DMBT1: variants seen among roughly 807,000 people sequenced by gnomAD.
DMBT1 encodes scavenger receptor cysteine-rich domain-containing protein DMBT1.
DMBT1 carries 198 observed loss-of-function variants against 252.9 expected under a neutral mutation model. The observed-to-expected ratio is 0.78, with a 90% CI of 0.70 to 0.88. DMBT1 has a LOEUF of 0.88. DMBT1 is among the 40% of genes least tolerant of loss of function. DMBT1 has a pLI of 0.00. For missense variants in DMBT1, 2,432 were observed against 2,404.7 expected, an observed-to-expected ratio of 1.01 and a Z score of -0.24; for synonymous variants, 990 against 942.7, an observed-to-expected ratio of 1.05 and a Z score of -0.92.
At position 122,631,093 on chromosome 10, in the gene DMBT1, G is replaced by A; in HGVS notation, c.6158G>A (p.Cys2053Tyr). ...ACCATTCAGGAAGCTGAGGTGGTCT[G>A]CAGACAGCTAGGGTGTGGACGTGCA... is the stretch of plus-strand genomic sequence containing the variant. ...SWTIQEAEVV[C>Y]RQLGCGRAVS... The change falls in exon 49 of 56, where the codon TGC (cysteine) becomes TAC (tyrosine). Residue 2053 changes from cysteine (C) to tyrosine (Y), a missense_variant. This residue lies in a region of DMBT1 where 1,162 missense variants were observed against 1,169.0 expected (regional missense o/e 0.99). Transcript: ENST00000338354. 4 of 1,614,006 alleles carry A rather than the reference G, an allele frequency of 2.5e-6. No homozygotes were observed. Among genetic ancestry groups the A allele is most frequent in the Non-Finnish European group, 3.4e-6 (4 of 1,179,894 alleles).
intron 52 of DMBT1, 76 bp from the exon 53 acceptor site, chr10:122,635,915 C>T (rs554733284): frequency 4.0e-6 from 6 of 1,510,762 alleles, no homozygotes; most frequent in African/African-American, 1.4e-5. Flanking sequence ...AGAGGTGTGA[C>T]CCCACCCTGA....
chr10:122,636,235 G>A (rs2098225910), intron 53 of DMBT1, 36 bp downstream of exon 53: 1 of 1,555,716 alleles, frequency 6.4e-7, no homozygotes, highest in South Asian at 1.1e-5. Context: ...GTTGGGACTG[G>A]GGACATCCTG....
intron 6 of DMBT1, among the ~76,000 whole-genome samples, chr10:122,576,082 C>G (rs746614846): frequency 6.6e-5 from 10 of 152,154 alleles, no homozygotes; most frequent in Non-Finnish European, 1.3e-4. Context: ...TTGTGTGTCC[C>G]CTGTCTGAGG....
chr10:122,575,712 A>C (rs2097706381), intron 6 of DMBT1, among the ~76,000 whole-genome samples: 1 of 152,150 alleles, frequency 6.6e-6, no homozygotes. Flanking sequence ...ATGGGATGGG[A>C]GGGAATGTTG....
rs373935397 is a variant in DMBT1, at chr10:122,637,145, A to G, written c.6775A>G (p.Asn2259Asp). ...TCTATCAGACCTGCTCTGTCTGCCA[A>G]ATCACATGCAAGCCAGTGTGAGCAG... The part of the protein sequence containing the change: ...NDSTNLLCLP[N>D]HMQASVSRSY... Residue 2259 changes from asparagine to aspartate, a missense_variant, in exon 54 of 56, where the codon AAT (asparagine) becomes GAT (aspartate). Around this residue, in one of 3 missense-constraint regions of DMBT1, gnomAD observed 1,162 missense variants for 1,169.0 expected, o/e 0.99. Transcript: ENST00000338354. 1 of 1,613,814 alleles carries G rather than the reference A, an allele frequency of 6.2e-7. No homozygotes were observed. Among genetic ancestry groups the G allele is most frequent in the African/African-American group, 1.3e-5 (1 of 74,924 alleles).
chr10:122,567,601 C>A (rs142956449), intron 2 of DMBT1, among the ~76,000 whole-genome samples: 30 of 152,304 alleles, frequency 2.0e-4, no homozygotes, highest in Non-Finnish European at 3.5e-4. Context: ...AAGCCACACC[C>A]AGGATCTGGC....
intron 16 of DMBT1, among the ~76,000 whole-genome samples, chr10:122,587,134 A>G (rs1172082389): frequency 6.8e-6 from 1 of 147,986 alleles, no homozygotes; most frequent in Non-Finnish European, 1.5e-5. Context: ...AAACATCCAA[A>G]CTATAGCATG....
intron 7 of DMBT1, among the ~76,000 whole-genome samples, chr10:122,577,388 G>A (rs1223448099): frequency 2.6e-5 from 4 of 152,170 alleles, no homozygotes; most frequent in Admixed American, 2.0e-4. Flanking sequence ...GCAAATGGTG[G>A]GCTCACGAGT....
intron 55 of DMBT1, among the ~76,000 whole-genome samples, chr10:122,640,922 C>T (rs1844415318): frequency 6.6e-6 from 1 of 152,186 alleles, no homozygotes; most frequent in African/African-American, 2.4e-5. Context: ...CCTCTATGGA[C>T]CAGTTGCTCG....
chr10:122,637,467 T>A (rs1271288769), intron 54 of DMBT1, among the ~76,000 whole-genome samples, 155 bp downstream of exon 54: 1 of 152,208 alleles, frequency 6.6e-6, no homozygotes, highest in African/African-American at 2.4e-5. Flanking sequence ...TTTGGTGCTA[T>A]GATATGGCTG....
intron 1 of DMBT1, among the ~76,000 whole-genome samples, chr10:122,562,969 C>G (rs1264164070): frequency 2.0e-5 from 3 of 152,228 alleles, no homozygotes; most frequent in Non-Finnish European, 2.9e-5. Context: ...CACTAGCATT[C>G]AGATGACAGC....
At chr10:122,565,080 A>G (rs2097579192) in intron 1 of DMBT1, among the ~76,000 whole-genome samples, 1 of 152,224 alleles carries the variant, frequency 6.6e-6, no homozygotes, top group Non-Finnish European at 1.5e-5. Context: ...TGGGCATGGA[A>G]GAATTATGAC....
chr10:122,572,400 C>A (rs1337173378), intron 5 of DMBT1, 39 bp downstream of exon 5: 4 of 1,606,654 alleles, frequency 2.5e-6, no homozygotes, highest in Non-Finnish European at 3.4e-6. Context: ...GGCTCATTAC[C>A]CCTCTGTACT....
chr10:122,618,983 G>A (rs764424808), intron 41 of DMBT1, among the ~76,000 whole-genome samples: 4 of 152,230 alleles, frequency 2.6e-5, no homozygotes, highest in Admixed American at 1.3e-4. Context: ...ATCACACAAG[G>A]CATTTGGGCT....
At chr10:122,600,684 A>C (rs544714746) in intron 27 of DMBT1, among the ~76,000 whole-genome samples, 8 of 152,310 alleles carry the variant, frequency 5.3e-5, no homozygotes, top group Non-Finnish European at 1.0e-4. Flanking sequence ...GAGCCTCAGC[A>C]ATGGCGTCTG....
chr10:122,631,482 T>G (rs1452859135), intron 49 of DMBT1, among the ~76,000 whole-genome samples: 2 of 152,216 alleles, frequency 1.3e-5, no homozygotes. Context: ...TGCTGAACAC[T>G]CATCTGACTA....
chr10:122,572,825 G>A lies in DMBT1; in HGVS notation c.235+464G>A, dbSNP rs188266910. On this transcript the variant is annotated intron_variant, in intron 5 of 55. Transcript: ENST00000338354. Reference sequence around the variant, plus strand: ...TCTCCCTTTTTAAAATTTGAGGAGAGTGGGAGAACTCTTGGGACTTAAGAC... The same window carrying A: ...TCTCCCTTTTTAAAATTTGAGGAGAATGGGAGAACTCTTGGGACTTAAGAC... Among the ~76,000 whole-genome samples, 803 of 152,238 alleles carry A rather than the reference G, an allele frequency of 5.3e-3. 9 individuals carry two copies. Among genetic ancestry groups the A allele is most frequent in the African/African-American group, 0.017 (688 of 41,534 alleles).
At position 122,621,317 on chromosome 10, in the gene DMBT1, C is replaced by A. The variant is rs1418611451; in HGVS notation, c.5545C>A (p.Pro1849Thr). The A allele has an allele frequency of 2.5e-6, 4 of 1,613,692 alleles. No homozygotes were observed. Among genetic ancestry groups the A allele is most frequent in the Non-Finnish European group, 8.5e-7 (1 of 1,179,746 alleles). Residue 1849 changes from proline (P) to threonine (T), a missense_variant, in exon 44 of 56, where the codon CCC (proline) becomes ACC (threonine). Coordinates refer to ENST00000338354, the MANE Select transcript of DMBT1 (RefSeq NM_001377530.1). ...SGNESYLWSC[P>T]HKGWLTHNCG... ...GAATGAGTCCTACCTGTGGAGCTGC[C>A]CCCACAAAGGCTGGCTCACCCACAA... is the stretch of plus-strand genomic sequence containing the variant.
intron 24 of DMBT1, among the ~76,000 whole-genome samples, chr10:122,597,346 T>C (rs1253213418): frequency 6.6e-6 from 1 of 152,218 alleles, no homozygotes; most frequent in Non-Finnish European, 1.5e-5. Context: ...GCTTTGGCAC[T>C]TTTCTATTCA....
Sources: allele counts gnomAD v4.1 joint callset (sites outside exome capture counted in the v4.1 genomes callset), GRCh38; gene constraint gnomAD v4.1.1; regional missense constraint gnomAD v4.1.1; transcripts MANE v1.5; gene names NCBI Gene and HGNC (gene_info 2026-07-23, HGNC 2026-07-21).